Variants in ATP1A1 observed in about 807,000 individuals in gnomAD.
ATP1A1 encodes sodium/potassium-transporting ATPase subunit alpha-1.
Under a neutral mutation model 114.8 loss-of-function variants are expected in ATP1A1, and 14 were observed. The ratio of observed to expected loss-of-function variants is 0.12; its 90% CI spans 0.08 to 0.19. ATP1A1 has a LOEUF of 0.19. ATP1A1 is among the 10% of genes least tolerant of loss of function. The pLI, the probability that ATP1A1 is intolerant of heterozygous loss-of-function variation, is 1.00. For synonymous variants in ATP1A1, 471 were observed against 466.3 expected, an observed-to-expected ratio of 1.01 and a Z score of -0.13; for missense variants, 524 against 1,290.7, an observed-to-expected ratio of 0.41 and a Z score of 9.10.
At chr1:116,392,713 T>TA (rs1296198946) in intron 10 of ATP1A1, 141 bp from the exon 11 acceptor site, 1 of 1,040,138 alleles carries the variant, frequency 9.6e-7, no homozygotes, top group Admixed American at 2.7e-5. Flanking sequence ...CTGTCCCACT[T>TA]AACACCGCTG....
At chr1:116,402,284 T>C (rs1653553870) in intron 21 of ATP1A1, among the ~76,000 whole-genome samples, 2 of 152,242 alleles carry the variant, frequency 1.3e-5, no homozygotes, top group African/African-American at 2.4e-5. Flanking sequence ...ACATTGAGTA[T>C]GTTTGGTGAT....
rs751624140 is a variant in ATP1A1 at position 116,401,285 on chromosome 1, G to A, written c.2849+25G>A. On this transcript the variant is annotated intron_variant, in intron 20 of 22. Transcript: ENST00000295598. This position sits in a 1 kb window ranked among gnomAD's most constrained non-coding sequence, Gnocchi z 4.7. ...AGTAAGTAATGAAGGACATGTCAAG[G>A]CCTTGGCTCAAAGAAGGGGACTGGT... 3.7e-6 allele frequency: 6 copies of A among 1,613,204 alleles called. No homozygotes were observed. The Admixed American group carries it at 5.0e-5, about 13-fold the overall frequency.
intron 1 of ATP1A1, among the ~76,000 whole-genome samples, chr1:116,382,003 C>T (rs1651775683): frequency 2.0e-5 from 3 of 151,994 alleles, no homozygotes; most frequent in Admixed American, 6.6e-5. Context: ...GGTGAAACCC[C>T]GTCTCTACTA....
chr1:116,401,922 G>A lies in ATP1A1; in HGVS notation c.2951+267G>A, dbSNP rs746868306. 45 of 474,264 alleles carry A rather than the reference G, an allele frequency of 9.5e-5. No homozygotes were observed. The highest frequency in any genetic ancestry group is 1.5e-4 in the Non-Finnish European group (39 of 266,380). 29.4% of individuals were successfully genotyped at this position (474,264 alleles called of 1,614,324 possible). On this transcript the variant is annotated intron_variant, in intron 21 of 22. Coordinates refer to ENST00000295598, the MANE Select transcript of ATP1A1 (RefSeq NM_000701.8). This position sits in a 1 kb window ranked among gnomAD's most constrained non-coding sequence, Gnocchi z 4.7. ...TAGCTCCATGGAACTGCTCAACAGCGAACTGCATTGAGCACTCAGGTCTGC... is the reference window on the plus strand; with the variant it reads ...TAGCTCCATGGAACTGCTCAACAGCAAACTGCATTGAGCACTCAGGTCTGC...
At chr1:116,400,742 A>G in intron 18 of ATP1A1, 119 bp from the exon 19 acceptor site, 1 of 1,267,140 alleles carries the variant, frequency 7.9e-7, no homozygotes, top group Non-Finnish European at 1.1e-6. Context: ...GCTTTTATCA[A>G]CCAGGGGGAA....
rs906448964 is a variant in ATP1A1, at chr1:116,404,503, C to T, written c.*59C>T. 1 of 1,569,620 alleles carries T rather than the reference C, an allele frequency of 6.4e-7. No individual in the cohort carries two copies. ...ACACACTCTGCATCCGACACCCACC[C>T]CCTCTTTGTGTACTTCAGTCTTGGA... On this transcript the variant is annotated 3_prime_UTR_variant, in exon 23 of 23. Coordinates refer to ENST00000295598, the MANE Select transcript of ATP1A1 (RefSeq NM_000701.8). This position sits in a 1 kb window ranked among gnomAD's most constrained non-coding sequence, Gnocchi z 4.8.
At chr1:116,379,827 C>T (rs1279170343) in intron 1 of ATP1A1, among the ~76,000 whole-genome samples, 1 of 152,144 alleles carries the variant, frequency 6.6e-6, no homozygotes, top group Non-Finnish European at 1.5e-5. Flanking sequence ...TCCCCCTTAC[C>T]TTTTACATTG....
chr1:116,397,491 T>G lies in ATP1A1; in HGVS notation c.1974-397T>G, dbSNP rs1205659681. The stretch of plus-strand genomic sequence containing the variant: ...CCAACCACCATGCCCGGCTAATTTT[T>G]GAATTTTTAGACCACCATTTTGGCA... On this transcript the variant is annotated intron_variant, in intron 14 of 22. Transcript: ENST00000295598. This position sits in a 1 kb window ranked among gnomAD's most constrained non-coding sequence, Gnocchi z 4.2. Among the ~76,000 whole-genome samples, 1 of 152,008 alleles carries G rather than the reference T, an allele frequency of 6.6e-6. No individual in the cohort carries two copies. Among genetic ancestry groups the G allele is most frequent in the African/African-American group, 2.4e-5 (1 of 41,366 alleles).
chr1:116,377,530 A>G (rs556435738), intron 1 of ATP1A1, among the ~76,000 whole-genome samples: 20 of 152,372 alleles, frequency 1.3e-4, no homozygotes, highest in African/African-American at 4.6e-4. Flanking sequence ...TCTTCGCTCA[A>G]CAAGCAAATC....
In ATP1A1 at chr1:116,397,935, C is replaced by T; in HGVS notation, c.2021C>T (p.Thr674Ile). The change falls in exon 15 of 23, where the codon ACC (threonine) becomes ATC (isoleucine). Residue 674 changes from threonine (T) to isoleucine (I), a missense_variant. This residue lies in a region of ATP1A1 where 47 missense variants were observed against 79.8 expected (regional missense o/e 0.59). Coordinates refer to ENST00000295598, the MANE Select transcript of ATP1A1 (RefSeq NM_000701.8). This position sits in a 1 kb window ranked among gnomAD's most constrained non-coding sequence, Gnocchi z 4.2. ...CACGGCAGTGATCTAAAGGACATGA[C>T]CTCCGAGCAGCTGGATGACATTTTG... ...VVHGSDLKDMTSEQLDDILKY... is the reference protein window; with the variant it reads ...VVHGSDLKDMISEQLDDILKY... 2 of 1,613,380 alleles carry T rather than the reference C, an allele frequency of 1.2e-6. No individual in the cohort carries two copies. The highest frequency in any genetic ancestry group is 1.3e-5 in the African/African-American group (1 of 74,730).
Position 116,404,546 on chromosome 1 carries a change from G to A in ATP1A1, c.*102G>A, listed in dbSNP as rs1261715373. ...GTCTTGGAGTTTGGAACTCTACCCT[G>A]GTAGGAAAGCACCGCAGCATGTGGG... On this transcript the variant is annotated 3_prime_UTR_variant, in exon 23 of 23. Coordinates refer to ENST00000295598, the MANE Select transcript of ATP1A1 (RefSeq NM_000701.8). This position sits in a 1 kb window ranked among gnomAD's most constrained non-coding sequence, Gnocchi z 4.8. 21 of 1,478,656 alleles carry A rather than the reference G, an allele frequency of 1.4e-5. No individual in the cohort carries two copies. The highest frequency in any genetic ancestry group is 1.6e-5 in the Non-Finnish European group (18 of 1,118,198). The allele number at this position is 1,478,656 out of a possible 1,614,324, so 91.6% of individuals were successfully genotyped here.
At position 116,404,339 on chromosome 1, in the gene ATP1A1, TC is replaced by T; in HGVS notation, c.3044-74del. ...CCCATCATCCTCCGGTTGGTTTTCA[TC>T]CCTGTTTCCCTCTGTAATGCTGGAG... On this transcript the variant is annotated intron_variant, in intron 22 of 22. Coordinates refer to ENST00000295598, the MANE Select transcript of ATP1A1 (RefSeq NM_000701.8). The surrounding 1 kb of genome is among the most constrained non-coding windows in gnomAD (Gnocchi z 4.8). 1 of 1,594,088 alleles carries T rather than the reference TC, an allele frequency of 6.3e-7. No individual in the cohort carries two copies. The highest frequency in any genetic ancestry group is 1.1e-5 in the South Asian group (1 of 89,758).
intron 1 of ATP1A1, among the ~76,000 whole-genome samples, chr1:116,378,893 G>A (rs1651549113): frequency 4.6e-5 from 7 of 152,160 alleles, no homozygotes; most frequent in Admixed American, 4.6e-4. Flanking sequence ...CAGAAAGGGG[G>A]AGTTAAGGAA....
intron 10 of ATP1A1, among the ~76,000 whole-genome samples, chr1:116,391,556 GT>G (rs1652474182): frequency 6.6e-6 from 1 of 152,306 alleles, no homozygotes; most frequent in African/African-American, 2.4e-5. Context: ...GGCTCTCTGG[GT>G]CCCACATTCT....
intron 12 of ATP1A1, among the ~76,000 whole-genome samples, chr1:116,394,310 C>A (rs1177508767): frequency 6.6e-6 from 1 of 152,138 alleles, no homozygotes. Context: ...ATTTATAATA[C>A]TTTGTAGGTT....
In ATP1A1 at chr1:116,389,406, T is replaced by A; in HGVS notation, c.755-33T>A. The A allele has an allele frequency of 6.2e-7, 1 of 1,611,230 alleles. No individual in the cohort carries two copies. Among genetic ancestry groups the A allele is most frequent in the Non-Finnish European group, 8.5e-7 (1 of 1,177,788 alleles). ...GTGGCTTCCTTCAGGTTAGATACAA[T>A]TAGGTACAGTTCTCCCTCCCCTTCT... On this transcript the variant is annotated intron_variant, in intron 7 of 22. Transcript: ENST00000295598. The surrounding 1 kb of genome is among the most constrained non-coding windows in gnomAD (Gnocchi z 6.9).
rs574589092 is a variant in ATP1A1, at chr1:116,389,352, T to C, written c.755-87T>C. On this transcript the variant is annotated intron_variant, in intron 7 of 22. Transcript: ENST00000295598. This position sits in a 1 kb window ranked among gnomAD's most constrained non-coding sequence, Gnocchi z 6.9. ...CTTTTATCAACTCTTTTTGTTTTTT[T>C]AGTCATCCTATGTAATTGTGTAAAA... 269 of 1,525,472 alleles carry C rather than the reference T, an allele frequency of 1.8e-4. 2 individuals carry two copies. The South Asian group carries it at 2.2e-3, about 12-fold the overall frequency. 94.5% of individuals were successfully genotyped at this position (1,525,472 alleles called of 1,614,324 possible).
chr1:116,381,430 A>T lies in ATP1A1; in HGVS notation c.13-2584A>T, dbSNP rs1221094327. Among the ~76,000 whole-genome samples, 1 of 152,224 alleles carries T rather than the reference A, an allele frequency of 6.6e-6. No homozygotes were observed. Among genetic ancestry groups the T allele is most frequent in the Non-Finnish European group, 1.5e-5 (1 of 68,032 alleles). Reference sequence around the variant, plus strand: ...AGTTATTATTTTACTTGTGGAGAAGAACTAAATTGTATAAGCTGCCTGGTT... The same window carrying T: ...AGTTATTATTTTACTTGTGGAGAAGTACTAAATTGTATAAGCTGCCTGGTT... On this transcript the variant is annotated intron_variant, in intron 1 of 22. Transcript: ENST00000295598. The surrounding 1 kb of genome is among the most constrained non-coding windows in gnomAD (Gnocchi z 5.1).
rs1570968393 is a variant in ATP1A1, at chr1:116,395,630, G to C, written c.1836+345G>C. 6.6e-6 allele frequency among the ~76,000 whole-genome samples: 1 copy of C among 152,314 alleles called. No individual in the cohort carries two copies. The highest frequency in any genetic ancestry group is 1.9e-4 in the East Asian group (1 of 5,192). ...ATATCTTCTGTGTTTTCAGTTAACT[G>C]TTTGTTAATGAGTGTTTGGTGTCCT... On this transcript the variant is annotated intron_variant, in intron 13 of 22. Coordinates refer to ENST00000295598, the MANE Select transcript of ATP1A1 (RefSeq NM_000701.8). The surrounding 1 kb of genome is among the most constrained non-coding windows in gnomAD (Gnocchi z 6.4).
Sources: allele counts gnomAD v4.1 joint callset (sites outside exome capture counted in the v4.1 genomes callset), GRCh38; gene constraint gnomAD v4.1.1; regional missense constraint gnomAD v4.1.1; non-coding constraint Gnocchi (gnomAD v3.1); transcripts MANE v1.5; gene names NCBI Gene and HGNC (gene_info 2026-07-23, HGNC 2026-07-21).